Variants in CTCFL observed in about 807,000 individuals in gnomAD.
The protein encoded by CTCFL is transcriptional repressor CTCFL.
CTCFL carries 36 observed loss-of-function variants against 67.4 expected under a neutral mutation model. That is an observed-to-expected ratio of 0.53 (90% CI 0.41 to 0.71). The LOEUF is 0.71. Among genes scored for constraint, CTCFL ranks in the 30% least tolerant of loss-of-function variants. CTCFL has a pLI of 0.00. For missense variants in CTCFL, 786 were observed against 835.2 expected, an observed-to-expected ratio of 0.94 and a Z score of 0.73; for synonymous variants, 324 against 302.3, an observed-to-expected ratio of 1.07 and a Z score of -0.75.
At chr20:57,514,812 TG>T (rs2146382370) in intron 6 of CTCFL, 71 bp from the exon 7 acceptor site, 8 of 1,432,224 alleles carry the variant, frequency 5.6e-6, no homozygotes, top group Middle Eastern at 1.8e-4. Flanking sequence ...GTGCTGAAAG[TG>T]TTTTTTTTTT....
intron 3 of CTCFL, 66 bp downstream of exon 3, chr20:57,523,002 C>T: frequency 7.9e-7 from 1 of 1,273,370 alleles, no homozygotes; most frequent in Non-Finnish European, 1.1e-6. Context: ...ATTACCATCA[C>T]CTGCCCATAA....
rs201521015 is a variant in CTCFL, at chr20:57,498,527, T to G, written c.*23A>C. 217 of 1,602,534 alleles carry G rather than the reference T, an allele frequency of 1.4e-4. 2 individuals are homozygous for G. Among genetic ancestry groups the G allele is most frequent in the Non-Finnish European group, 2.4e-5 (28 of 1,172,752 alleles). ...AACTTGCTTTAGGAATTGGGGGCAG[T>G]GAACACGCAACCCGAATCCCTCTCA... On this transcript the variant is annotated 3_prime_UTR_variant, in exon 11 of 11. Transcript: ENST00000243914.
Position 57,524,104 on chromosome 20 carries a change from TC to T in CTCFL, c.101del (p.Gly34GlufsTer47), listed in dbSNP as rs759378713. 7.4e-6 allele frequency: 12 copies of T among 1,613,656 alleles called. No individual in the cohort carries two copies. The South Asian group carries it at 1.2e-4, about 16-fold the overall frequency. ...TCCGATGGTCTTTCTCTCTGCACACTCCGTCTTTTTCCTCCTCCTTCAGGCC... is the reference window on the plus strand; with the variant it reads ...TCCGATGGTCTTTCTCTCTGCACACTCGTCTTTTTCCTCCTCCTTCAGGCC... The part of the protein sequence containing the change: ...EKGLKEEEKD[G>X]VCREKDHRSP... On this transcript the variant is annotated frameshift_variant, in exon 2 of 11. Coordinates refer to ENST00000243914, the MANE Select transcript of CTCFL (RefSeq NM_001386993.1). LOFTEE classifies it high-confidence loss of function.
In CTCFL at chr20:57,497,489, G is replaced by A. The variant is rs879932721; in HGVS notation, c.*1061C>T. On this transcript the variant is annotated 3_prime_UTR_variant, in exon 11 of 11. Transcript: ENST00000243914. ...GAAATACAGGGGTGGAGACAGGTTG[G>A]CAGCAAAACAAACTGCTCAACTAAG... 1.0e-6 allele frequency: 1 copy of A among 985,274 alleles called. No homozygotes were observed. The highest frequency in any genetic ancestry group is 1.2e-6 in the Non-Finnish European group (1 of 829,916). The allele number at this position is 985,274 out of a possible 1,614,324, so 61.0% of individuals were successfully genotyped here.
chr20:57,504,421 A>T (rs546036527), intron 9 of CTCFL, among the ~76,000 whole-genome samples: 109 of 151,720 alleles, frequency 7.2e-4, no homozygotes, highest in African/African-American at 2.5e-3. Context: ...GTGGGACTAC[A>T]GGCGAGTGCC....
At chr20:57,500,026 C>A in intron 10 of CTCFL, 2 of 986,712 alleles carry the variant, frequency 2.0e-6, no homozygotes, top group Non-Finnish European at 2.4e-6. Flanking sequence ...CACTGAAGAA[C>A]GTGACTGTCT....
chr20:57,519,411 A>T lies in CTCFL; in HGVS notation c.755-34T>A, dbSNP rs763193034. On this transcript the variant is annotated intron_variant, in intron 3 of 10. Transcript: ENST00000243914. ...AGGAAATAGTTTATGTATTTGTTAG[A>T]GGTTCAAATTCCATTTAAATACTTG... is the stretch of plus-strand genomic sequence containing the variant. The T allele has an allele frequency of 1.8e-5, 28 of 1,583,810 alleles. No homozygotes were observed. In the East Asian group the frequency reaches 5.8e-4, roughly 33 times the overall value.
chr20:57,500,962 A>C (rs1343029429), intron 10 of CTCFL, among the ~76,000 whole-genome samples: 1 of 152,248 alleles, frequency 6.6e-6, no homozygotes, highest in African/African-American at 2.4e-5. Context: ...ACGTTTCTCC[A>C]GGGACCCTTT....
downstream of CTCFL, among the ~76,000 whole-genome samples, chr20:57,497,007 ATTTT>A (rs34176396): frequency 0.16 from 22,340 of 138,932 alleles, 1,781 homozygotes; most frequent in South Asian, 0.3. Context: ...TGCTATTTCC[ATTTT>A]TTTTTTTTTT....
At position 57,519,220 on chromosome 20, in the gene CTCFL, A is replaced by T. The variant is rs762551573; in HGVS notation, c.912T>A (p.Val304=). Residue 304 remains valine (V), a synonymous_variant, in exon 4 of 11, where the codon GTT becomes GTA. Transcript: ENST00000243914. The part of the protein sequence containing the change: ...FRTVTLLRNH[V]NTHTGTRPYK... ...CGGCAGTTTTACCTGTGTGGGTGTT[A>T]ACATGGTTCCGCAGCAGAGTGACCG... 1.2e-6 allele frequency: 2 copies of T among 1,614,168 alleles called. No individual in the cohort carries two copies. Among genetic ancestry groups the T allele is most frequent in the South Asian group, 2.2e-5 (2 of 91,078 alleles).
intron 9 of CTCFL, chr20:57,507,642 T>A: frequency 1.4e-6 from 1 of 703,002 alleles, no homozygotes; most frequent in South Asian, 1.5e-5. Context: ...CCAGCAGTTG[T>A]GTGGCGGAGC....
intron 4 of CTCFL, 81 bp from the exon 5 acceptor site, chr20:57,518,972 C>T (rs1478735317): frequency 1.4e-6 from 2 of 1,472,054 alleles, no homozygotes; most frequent in Non-Finnish European, 1.8e-6. Context: ...TTTAATTACA[C>T]TCAGTCTCAA....
intron 10 of CTCFL, among the ~76,000 whole-genome samples, chr20:57,501,267 T>C (rs2067898383): frequency 1.3e-5 from 2 of 152,124 alleles, no homozygotes; most frequent in African/African-American, 4.8e-5. Flanking sequence ...GCGTGAAGTG[T>C]GCAGGAGGGG....
chr20:57,503,669 G>A (rs180857194), intron 9 of CTCFL, 68 bp from the exon 10 acceptor site: 16 of 1,525,018 alleles, frequency 1.0e-5, no homozygotes, highest in African/African-American at 1.7e-5. Context: ...TCAGGGGCCT[G>A]TGGGGACCCC....
intron 5 of CTCFL, chr20:57,518,388 C>T (rs1251842008): frequency 1.7e-6 from 1 of 591,894 alleles, no homozygotes; most frequent in Non-Finnish European, 2.5e-6. Context: ...TCAAAAATTT[C>T]AGCCAACATT....
chr20:57,497,960 G>A lies in CTCFL; in HGVS notation c.*590C>T, dbSNP rs918607805. 1 of 932,002 alleles carries A rather than the reference G, an allele frequency of 1.1e-6. No individual in the cohort carries two copies. The highest frequency in any genetic ancestry group is 5.0e-5 in the South Asian group (1 of 20,184). 57.7% of individuals were successfully genotyped at this position (932,002 alleles called of 1,614,324 possible). Reference sequence around the variant, plus strand: ...TCCTACTCAGTTTTCCTTTTTATAAGAGTAAAACATTTTTTGGTTGAATTT... The same window carrying A: ...TCCTACTCAGTTTTCCTTTTTATAAAAGTAAAACATTTTTTGGTTGAATTT... On this transcript the variant is annotated 3_prime_UTR_variant, in exon 11 of 11. Coordinates refer to ENST00000243914, the MANE Select transcript of CTCFL (RefSeq NM_001386993.1).
In CTCFL at chr20:57,498,039, T is replaced by C. The variant is rs2067751759; in HGVS notation, c.*511A>G. ...TTAAATTTTGTAGAAAATTCATTTG[T>C]ATAAAAACATTTGTCTTTAATGTTT... On this transcript the variant is annotated 3_prime_UTR_variant, in exon 11 of 11. Transcript: ENST00000243914. The C allele has an allele frequency of 1.1e-6, 1 of 898,312 alleles. No individual in the cohort carries two copies. 55.6% of individuals were successfully genotyped at this position (898,312 alleles called of 1,614,324 possible).
At chr20:57,498,822 G>T in intron 10 of CTCFL, 121 bp from the exon 11 acceptor site, 1 of 836,296 alleles carries the variant, frequency 1.2e-6, no homozygotes. Flanking sequence ...AAGCATGTTA[G>T]AAAACAATCT....
chr20:57,519,695 A>C (rs1258545997), intron 3 of CTCFL, among the ~76,000 whole-genome samples: 1 of 152,174 alleles, frequency 6.6e-6, no homozygotes, highest in Non-Finnish European at 1.5e-5. Context: ...TGTAGACCTA[A>C]GGAGAGATGA....
Sources: allele counts gnomAD v4.1 joint callset (sites outside exome capture counted in the v4.1 genomes callset), GRCh38; gene constraint gnomAD v4.1.1; transcripts MANE v1.5; gene names NCBI Gene and HGNC (gene_info 2026-07-23, HGNC 2026-07-21).